The following NUP210 variants were observed in gnomAD, a reference collection of about 807,000 sequenced individuals.
The protein encoded by NUP210 is nuclear pore membrane glycoprotein 210.
NUP210 carries 151 observed loss-of-function variants against 196.0 expected under a neutral mutation model. That is an observed-to-expected ratio of 0.77 (90% CI 0.67 to 0.88). NUP210 has a LOEUF of 0.88. Among genes scored for constraint, NUP210 ranks in the 40% least tolerant of loss-of-function variants. The probability of loss-of-function intolerance (pLI) is 0.00; values close to 1 mark genes in which losing one functional copy is unlikely to be tolerated. For synonymous variants in NUP210, 1,070 were observed against 1,052.7 expected (o/e 1.02, Z -0.32); for missense variants, 2,314 against 2,493.7 (o/e 0.93, Z 1.53).
rs938682470 is a variant in NUP210 at position 13,346,056 on chromosome 3, A to G, written c.2836-2753T>C. On this transcript the variant is annotated intron_variant, in intron 20 of 39. Coordinates refer to ENST00000254508, the MANE Select transcript of NUP210 (RefSeq NM_024923.4). ...TCTTTTTTCCTCCTTTAAAAGAACCATCTTGCACATTTTAAACAGAGACAT... is the reference window on the plus strand; with the variant it reads ...TCTTTTTTCCTCCTTTAAAAGAACCGTCTTGCACATTTTAAACAGAGACAT... 3.9e-5 allele frequency among the ~76,000 whole-genome samples: 6 copies of G among 152,224 alleles called. No individual in the cohort carries two copies. In the East Asian group the frequency reaches 9.6e-4, roughly 24 times the overall value.
rs1254101267 is a variant in NUP210 at position 13,316,983 on chromosome 3, G to A, written c.*698C>T. The A allele has an allele frequency of 6.6e-6, 1 of 152,512 alleles. No individual in the cohort carries two copies. The highest frequency in any genetic ancestry group is 2.4e-5 in the African/African-American group (1 of 41,448). The allele number at this position is 152,512 out of a possible 1,614,324, so 9.4% of individuals were successfully genotyped here. The stretch of plus-strand genomic sequence containing the variant: ...AGCCAAGTCCATCAGATGTCTCAAC[G>A]GCTTATGAAACAAAAACAGAGGACT... On this transcript the variant is annotated 3_prime_UTR_variant, in exon 40 of 40. Coordinates refer to ENST00000254508, the MANE Select transcript of NUP210 (RefSeq NM_024923.4).
Position 13,353,749 on chromosome 3 carries a change from G to GA in NUP210, c.2522-90dup, listed in dbSNP as rs1318081104. 4.8e-5 allele frequency: 64 copies of GA among 1,327,596 alleles called. 3 individuals are homozygous for GA. The highest frequency in any genetic ancestry group is 2.3e-4 in the Admixed American group (13 of 56,120). 82.2% of individuals were successfully genotyped at this position (1,327,596 alleles called of 1,614,324 possible). On this transcript the variant is annotated intron_variant, in intron 17 of 39. Transcript: ENST00000254508. ...CTCCCTCCTTCTGATTTGCAGTTTC[G>GA]AATCTGAAAACAGACAACTGTGTGT...
Position 13,379,777 on chromosome 3 carries a change from T to G in NUP210, c.818-56A>C. The stretch of plus-strand genomic sequence containing the variant: ...AAAGAGAGAGCAAAGACAGGAAATG[T>G]TAGAAGCCAATACACTCCCACTGCC... On this transcript the variant is annotated intron_variant, in intron 6 of 39. Transcript: ENST00000254508. The surrounding 1 kb of genome is among the most constrained non-coding windows in gnomAD (Gnocchi z 4.2). 1 of 1,483,680 alleles carries G rather than the reference T, an allele frequency of 6.7e-7. No homozygotes were observed. Among genetic ancestry groups the G allele is most frequent in the Non-Finnish European group, 9.0e-7 (1 of 1,106,732 alleles). The allele number at this position is 1,483,680 out of a possible 1,614,324, so 91.9% of individuals were successfully genotyped here. A position where few individuals can be genotyped will look rare whatever the true frequency, so the allele number is the denominator to read the frequency against.
Position 13,377,528 on chromosome 3 carries a change from C to T in NUP210, c.1080G>A (p.Leu360=), listed in dbSNP as rs1457863687. The T allele has an allele frequency of 8.1e-6, 13 of 1,613,808 alleles. No homozygotes were observed. Among genetic ancestry groups the T allele is most frequent in the African/African-American group, 1.3e-5 (1 of 74,904 alleles). ...FTVHPGDRWV[L]ETGRLYEITI... is the part of the protein sequence containing the mutation. ...TGATTTCATACAGGCGGCCGGTCTCCAGCACCCACCTGTCACCAGGGTGAA... is the reference window on the plus strand; with the variant it reads ...TGATTTCATACAGGCGGCCGGTCTCTAGCACCCACCTGTCACCAGGGTGAA... The change falls in exon 9 of 40, where the codon CTG becomes CTA. Residue 360 remains leucine (L), a synonymous_variant. Transcript: ENST00000254508.
At chr3:13,366,693 A>G (rs537346354) in intron 13 of NUP210, among the ~76,000 whole-genome samples, 1 of 149,586 alleles carries the variant, frequency 6.7e-6, no homozygotes, top group Non-Finnish European at 1.5e-5. Context: ...AATTCTTTGT[A>G]TTTTTAGTAG....
In NUP210 at chr3:13,340,335, CCCAAGCCCATGGCG is replaced by C; in HGVS notation, c.3229-51_3229-38del. ...CACAGGAGAGAAAGGACTACTGTGC[CCCAAGCCCATGGCG>C]CCAAGCATAACTCACACACTACATG... On this transcript the variant is annotated intron_variant, in intron 23 of 39. Coordinates refer to ENST00000254508, the MANE Select transcript of NUP210 (RefSeq NM_024923.4). The surrounding 1 kb of genome is among the most constrained non-coding windows in gnomAD (Gnocchi z 4.0). 6.3e-7 allele frequency: 1 copy of C among 1,594,124 alleles called. No individual in the cohort carries two copies. Among genetic ancestry groups the C allele is most frequent in the Non-Finnish European group, 8.6e-7 (1 of 1,162,960 alleles).
At chr3:13,376,735 C>T (rs1365935047) in intron 9 of NUP210, among the ~76,000 whole-genome samples, 1 of 152,150 alleles carries the variant, frequency 6.6e-6, no homozygotes, top group Non-Finnish European at 1.5e-5. Flanking sequence ...AAGAAGGAAC[C>T]AGTAAATACA....
chr3:13,327,174 C>T (rs750257485), intron 32 of NUP210, 43 bp downstream of exon 32: 13 of 1,526,450 alleles, frequency 8.5e-6, no homozygotes, highest in Admixed American at 5.4e-5. Flanking sequence ...GCTTTGCAAG[C>T]GTCCGTGACT....
chr3:13,413,395 G>A (rs549867659), intron 1 of NUP210, among the ~76,000 whole-genome samples: 4 of 151,616 alleles, frequency 2.6e-5, no homozygotes, highest in South Asian at 2.1e-4. Context: ...GCATGAACCC[G>A]GGAGGCGGAG....
chr3:13,372,423 A>C (rs2124910925), intron 12 of NUP210, among the ~76,000 whole-genome samples: 1 of 152,306 alleles, frequency 6.6e-6, no homozygotes, highest in East Asian at 1.9e-4. Context: ...ATCAGTGTTT[A>C]CTGTGGCTGA....
Position 13,347,214 on chromosome 3 carries a change from G to T in NUP210, c.2836-3911C>A. The T allele has an allele frequency of 1.0e-6, 1 of 985,332 alleles. No individual in the cohort carries two copies. Among genetic ancestry groups the T allele is most frequent in the Non-Finnish European group, 1.2e-6 (1 of 829,880 alleles). The allele number at this position is 985,332 out of a possible 1,614,324, so 61.0% of individuals were successfully genotyped here. A position where few individuals can be genotyped will look rare whatever the true frequency, so the allele number is the denominator to read the frequency against. On this transcript the variant is annotated intron_variant, in intron 20 of 39. Transcript: ENST00000254508. The surrounding 1 kb of genome is among the most constrained non-coding windows in gnomAD (Gnocchi z 4.7). ...GCGGCTCACAGGAGCTGGGCCCCCC[G>T]GCTTCATTCCCTCCTGAATCCGCAG...
intron 1 of NUP210, among the ~76,000 whole-genome samples, chr3:13,418,431 A>G (rs1700416428): frequency 1.3e-5 from 2 of 152,014 alleles, no homozygotes; most frequent in African/African-American, 4.8e-5. Context: ...CATCTTTACT[A>G]AAAATACAAA....
At chr3:13,382,001 G>C (rs1699118018) in intron 6 of NUP210, among the ~76,000 whole-genome samples, 1 of 152,180 alleles carries the variant, frequency 6.6e-6, no homozygotes, top group Non-Finnish European at 1.5e-5. Flanking sequence ...TTAGTTCTGA[G>C]CAGCCACAGT....
chr3:13,333,780 A>G (rs1697097802), intron 28 of NUP210, among the ~76,000 whole-genome samples: 1 of 152,200 alleles, frequency 6.6e-6, no homozygotes, highest in Non-Finnish European at 1.5e-5. Flanking sequence ...ATACATTCAT[A>G]AATAGGATTC....
chr3:13,348,946 C>T lies in NUP210; in HGVS notation c.2835+2933G>A, dbSNP rs1265337387. 1.0e-6 allele frequency: 1 copy of T among 968,054 alleles called. No individual in the cohort carries two copies. Among genetic ancestry groups the T allele is most frequent in the African/African-American group, 1.8e-5 (1 of 56,898 alleles). The allele number at this position is 968,054 out of a possible 1,614,324, so 60.0% of individuals were successfully genotyped here. A position where few individuals can be genotyped will look rare whatever the true frequency, so the allele number is the denominator to read the frequency against. On this transcript the variant is annotated intron_variant, in intron 20 of 39. Transcript: ENST00000254508. This position sits in a 1 kb window ranked among gnomAD's most constrained non-coding sequence, Gnocchi z 4.0. ...GTGTTTCACACAAAAATAGAGATCT[C>T]TATTTTCTCTTGAAAATCAGAAGCT...
chr3:13,366,667 G>A (rs1336528731), intron 13 of NUP210, among the ~76,000 whole-genome samples: 2 of 151,444 alleles, frequency 1.3e-5, no homozygotes, highest in African/African-American at 2.4e-5. Context: ...AGAGGCATGC[G>A]CCACCACGCC....
intron 13 of NUP210, among the ~76,000 whole-genome samples, chr3:13,367,758 C>T (rs1435855012): frequency 6.6e-6 from 1 of 152,238 alleles, no homozygotes; most frequent in Non-Finnish European, 1.5e-5. Flanking sequence ...CCTTTGTCCA[C>T]ATTCTCCATA....
intron 1 of NUP210, among the ~76,000 whole-genome samples, chr3:13,418,315 G>A (rs1393653560): frequency 6.6e-6 from 1 of 152,242 alleles, no homozygotes; most frequent in Non-Finnish European, 1.5e-5. Context: ...AGGGCAGGCC[G>A]GGTGCAGTGG....
intron 1 of NUP210, among the ~76,000 whole-genome samples, chr3:13,403,236 C>A (rs1412096518): frequency 6.6e-6 from 1 of 152,188 alleles, no homozygotes; most frequent in East Asian, 1.9e-4. Context: ...GTTTTTCCAA[C>A]AACAGAAATG....
Sources: allele counts gnomAD v4.1 joint callset (sites outside exome capture counted in the v4.1 genomes callset), GRCh38; gene constraint gnomAD v4.1.1; non-coding constraint Gnocchi (gnomAD v3.1); transcripts MANE v1.5; gene names NCBI Gene and HGNC (gene_info 2026-07-23, HGNC 2026-07-21).